ITSN1: variants seen among roughly 807,000 people sequenced by gnomAD.
ITSN1 encodes intersectin 1.
Under a neutral mutation model 239.8 loss-of-function variants are expected in ITSN1, and 58 were observed. The observed-to-expected ratio is 0.24, with a 90% confidence interval of 0.20 to 0.30. ITSN1 has a LOEUF of 0.30. Ranked by LOEUF, ITSN1 falls within the 10% of genes least tolerant of loss-of-function variation. The probability of loss-of-function intolerance (pLI) is 1.00; values close to 1 mark genes in which losing one functional copy is unlikely to be tolerated. For synonymous variants in ITSN1, 780 were observed against 770.8 expected (o/e 1.01, Z -0.20); for missense variants, 1,558 against 2,103.3 (o/e 0.74, Z 5.07).
chr21:33,793,430 C>T (rs2071303840), intron 16 of ITSN1, among the ~76,000 whole-genome samples: 1 of 152,196 alleles, frequency 6.6e-6, no homozygotes, highest in Admixed American at 6.5e-5. Flanking sequence ...TTTGACTCAT[C>T]TGATTTATCG....
At chr21:33,858,142 G>T (rs1465831600) in intron 30 of ITSN1, among the ~76,000 whole-genome samples, 1 of 152,130 alleles carries the variant, frequency 6.6e-6, no homozygotes, top group Non-Finnish European at 1.5e-5. Context: ...CTTGTAGCGG[G>T]CCTGCAAGTG....
At chr21:33,693,087 C>T (rs577230412) in intron 1 of ITSN1, among the ~76,000 whole-genome samples, 63 of 152,184 alleles carry the variant, frequency 4.1e-4, no homozygotes, top group African/African-American at 1.5e-3. Flanking sequence ...TGAGCCACCG[C>T]GCCCAGCCCA....
At chr21:33,881,964 G>GAAAA (rs1985008424) in intron 34 of ITSN1, among the ~76,000 whole-genome samples, 1 of 132,524 alleles carries the variant, frequency 7.5e-6, no homozygotes, top group Non-Finnish European at 1.7e-5. Flanking sequence ...AAAAAAAAAA[G>GAAAA]AAAAGAAAAA....
Position 33,898,229 on chromosome 21 carries a change from T to G in ITSN1, c.*9929T>G, listed in dbSNP as rs984594145. The G allele has an allele frequency of 1.3e-5, 2 of 152,244 alleles. No individual in the cohort carries two copies. The highest frequency in any genetic ancestry group is 4.8e-5 in the African/African-American group (2 of 41,462). 9.4% of individuals were successfully genotyped at this position (152,244 alleles called of 1,614,324 possible). On this transcript the variant is annotated 3_prime_UTR_variant, in exon 40 of 40. Transcript: ENST00000381318. ...CGCCCTTTCTACTTCTGTATCTGGA[T>G]TGATTCAGTTTATCCCTAATTAGCG...
intron 27 of ITSN1, among the ~76,000 whole-genome samples, chr21:33,832,932 C>T (rs554829218): frequency 6.6e-6 from 1 of 152,210 alleles, no homozygotes; most frequent in African/African-American, 2.4e-5. Flanking sequence ...TCAAAAGTTA[C>T]AAGGGGATAT....
intron 31 of ITSN1, among the ~76,000 whole-genome samples, chr21:33,859,069 G>A (rs568017748): frequency 6.6e-6 from 1 of 152,334 alleles, no homozygotes; most frequent in South Asian, 2.1e-4. Context: ...CCAGGGCTAG[G>A]GCGACGCTGG....
intron 24 of ITSN1, among the ~76,000 whole-genome samples, chr21:33,820,746 C>T (rs1275146415): frequency 6.6e-6 from 1 of 152,206 alleles, no homozygotes; most frequent in African/African-American, 2.4e-5. Flanking sequence ...TATACATTCT[C>T]ATTATCTTAA....
chr21:33,868,273 G>A (rs551737651), intron 33 of ITSN1, among the ~76,000 whole-genome samples: 25 of 152,320 alleles, frequency 1.6e-4, no homozygotes, highest in African/African-American at 3.6e-4. Context: ...ATCCCACACC[G>A]GGGCTGCAGC....
At chr21:33,694,778 C>T in intron 1 of ITSN1, among the ~76,000 whole-genome samples, 1 of 152,096 alleles carries the variant, frequency 6.6e-6, no homozygotes. Flanking sequence ...GATATCACAC[C>T]ACTGCACTCC....
intron 6 of ITSN1, 140 bp downstream of exon 6, chr21:33,750,462 T>C (rs2067476780): frequency 1.3e-6 from 1 of 782,122 alleles, no homozygotes; most frequent in Non-Finnish European, 2.0e-6. Flanking sequence ...TTTTTTTCAC[T>C]TGATTTCACA....
intron 18 of ITSN1, among the ~76,000 whole-genome samples, chr21:33,799,282 C>T (rs920172869): frequency 6.6e-6 from 1 of 152,164 alleles, no homozygotes; most frequent in African/African-American, 2.4e-5. Flanking sequence ...CGGGGATTAT[C>T]AGTATAACCA....
chr21:33,890,573 G>T lies in ITSN1; in HGVS notation c.*2273G>T, dbSNP rs1405265855. 2.0e-5 allele frequency: 3 copies of T among 152,208 alleles called. No individual in the cohort carries two copies. The highest frequency in any genetic ancestry group is 4.4e-5 in the Non-Finnish European group (3 of 68,030). The allele number at this position is 152,208 out of a possible 1,614,324, so 9.4% of individuals were successfully genotyped here. On this transcript the variant is annotated 3_prime_UTR_variant, in exon 40 of 40. Transcript: ENST00000381318. ...GATTAGTGTCCTTGTATTTACTGGT[G>T]TAATTTGTAATGTAACCAATTGTCC...
intron 14 of ITSN1, among the ~76,000 whole-genome samples, chr21:33,778,188 T>A (rs1200730775): frequency 6.6e-6 from 1 of 152,208 alleles, no homozygotes; most frequent in Non-Finnish European, 1.5e-5. Context: ...TCCCATTATT[T>A]TATTAAGGAT....
intron 1 of ITSN1, among the ~76,000 whole-genome samples, chr21:33,681,489 C>T (rs979026745): frequency 2.0e-5 from 3 of 151,920 alleles, no homozygotes; most frequent in African/African-American, 7.2e-5. Flanking sequence ...GCAGAGGTTG[C>T]AGTGAGCTGA....
In ITSN1 at chr21:33,856,940, C is replaced by T; in HGVS notation, c.3783+83C>T. On this transcript the variant is annotated intron_variant, in intron 30 of 39. Transcript: ENST00000381318. ...AGGGTTCCGTCAAGGAGGTCTATGT[C>T]CTGATTCTGAGCCCAAGAAACTTTC... The T allele has an allele frequency of 1.8e-5, 24 of 1,349,480 alleles. No individual in the cohort carries two copies. The South Asian group carries it at 2.3e-4, about 13-fold the overall frequency. The allele number at this position is 1,349,480 out of a possible 1,614,324, so 83.6% of individuals were successfully genotyped here.
At chr21:33,831,610 G>A (rs556077443) in intron 27 of ITSN1, among the ~76,000 whole-genome samples, 2 of 152,294 alleles carry the variant, frequency 1.3e-5, no homozygotes, top group East Asian at 1.9e-4. Context: ...GCAGGAGCAG[G>A]AAGGAAGAAG....
At chr21:33,730,188 A>G (rs1391442918) in intron 4 of ITSN1, among the ~76,000 whole-genome samples, 7 of 152,070 alleles carry the variant, frequency 4.6e-5, no homozygotes. Flanking sequence ...GAAACTAACA[A>G]AAAGGTGTGC....
chr21:33,700,005 T>TC (rs1164154400), intron 1 of ITSN1, among the ~76,000 whole-genome samples: 2 of 151,898 alleles, frequency 1.3e-5, no homozygotes, highest in East Asian at 3.9e-4. Context: ...CAAGAGATCC[T>TC]CCTGCCTCAG....
rs577381048 is a variant in ITSN1, at chr21:33,692,704, G to A, written c.-32-26093G>A. Among the ~76,000 whole-genome samples the A allele has an allele frequency of 1.3e-4, 20 of 151,968 alleles. No individual in the cohort carries two copies. In the East Asian group the frequency reaches 3.5e-3, roughly 26 times the overall value. On this transcript the variant is annotated intron_variant, in intron 1 of 39. Coordinates refer to ENST00000381318, the MANE Select transcript of ITSN1 (RefSeq NM_003024.3). Reference sequence around the variant, plus strand: ...CCATTAAATATAGTCATAGAAGGAAGGAAATATGAAAATTAGGATTTCAGA... The same window carrying A: ...CCATTAAATATAGTCATAGAAGGAAAGAAATATGAAAATTAGGATTTCAGA...
Sources: allele counts gnomAD v4.1 joint callset (sites outside exome capture counted in the v4.1 genomes callset), GRCh38; gene constraint gnomAD v4.1.1; transcripts MANE v1.5; gene names NCBI Gene and HGNC (gene_info 2026-07-23, HGNC 2026-07-21).